Variants in RUNX3 observed in about 807,000 individuals in gnomAD.
RUNX3 encodes the protein RUNX family transcription factor 3.
RUNX3 carries 10 observed loss-of-function variants against 27.7 expected under a neutral mutation model. The observed-to-expected ratio is 0.36, with a 90% CI of 0.22 to 0.61. The LOEUF is 0.61. Ranked by LOEUF, RUNX3 falls within the 20% of genes least tolerant of loss-of-function variation. The pLI is 0.72. For synonymous variants in RUNX3, 270 were observed against 269.2 expected, an observed-to-expected ratio of 1.00 and a Z score of -0.03; for missense variants, 469 against 629.5, an observed-to-expected ratio of 0.75 and a Z score of 2.73.
chr1:24,918,881 C>A (rs1640940363), intron 3 of RUNX3, among the ~76,000 whole-genome samples: 1 of 152,198 alleles, frequency 6.6e-6, no homozygotes, highest in Admixed American at 6.5e-5. Context: ...CCCTCAGCCA[C>A]CCGCAGAGAA....
intron 3 of RUNX3, 49 bp from the exon 4 acceptor site, chr1:24,907,466 T>C: frequency 6.4e-7 from 1 of 1,563,766 alleles, no homozygotes; most frequent in Non-Finnish European, 8.7e-7. Context: ...AGAGTCTCAG[T>C]GGAGACAGAA....
Position 24,959,929 on chromosome 1 carries a change from C to T in RUNX3, c.58+4585G>A, listed in dbSNP as rs78866437. 4.1e-4 allele frequency among the ~76,000 whole-genome samples: 62 copies of T among 152,332 alleles called. No homozygotes were observed. The East Asian group carries it at 8.9e-3, about 22-fold the overall frequency. ...TGGCTCCCGAGCCAGCTCATACTTT[C>T]CTGCTTCCACACCTTTGCCCAGGAC... On this transcript the variant is annotated intron_variant, in intron 2 of 6. Transcript: ENST00000338888.
upstream of RUNX3, among the ~76,000 whole-genome samples, chr1:24,934,442 G>A (rs564275977): frequency 5.9e-5 from 9 of 152,304 alleles, no homozygotes; most frequent in South Asian, 1.7e-3. Flanking sequence ...GGGTGGTGAG[G>A]GTGTTAGGAC....
chr1:24,905,358 G>C (rs1640644730), intron 4 of RUNX3, among the ~76,000 whole-genome samples: 1 of 152,220 alleles, frequency 6.6e-6, no homozygotes, highest in African/African-American at 2.4e-5. Flanking sequence ...TCCTAGCCTG[G>C]TCCAGCTGAC....
chr1:24,951,204 C>CAAAA (rs542137531), intron 2 of RUNX3, among the ~76,000 whole-genome samples: 6,622 of 96,084 alleles, frequency 0.069, 390 homozygotes, highest in Non-Finnish European at 0.091. Flanking sequence ...GACTCCATCT[C>CAAAA]AAAAAAAAAA....
chr1:24,960,787 A>AT (rs988323413), intron 2 of RUNX3, among the ~76,000 whole-genome samples: 1 of 152,118 alleles, frequency 6.6e-6, no homozygotes, highest in African/African-American at 2.4e-5. Flanking sequence ...TTGGCCCATA[A>AT]TTGTCAGACG....
chr1:24,929,779 G>T lies in RUNX3; in HGVS notation c.90C>A (p.Gly30=). 1 of 1,439,816 alleles carries T rather than the reference G, an allele frequency of 6.9e-7. No homozygotes were observed. Among genetic ancestry groups the T allele is most frequent in the Non-Finnish European group, 9.0e-7 (1 of 1,105,332 alleles). The allele number at this position is 1,439,816 out of a possible 1,614,324, so 89.2% of individuals were successfully genotyped here. A position where few individuals can be genotyped will look rare whatever the true frequency, so the allele number is the denominator to read the frequency against. Residue 30 remains glycine, a synonymous_variant, in exon 1 of 5, where the codon GGC becomes GGA. Coordinates refer to ENST00000308873, the MANE Select transcript of RUNX3 (RefSeq NM_004350.3). ...FPCGGGGGKM[G]ENSGALSAQA... The stretch of plus-strand genomic sequence containing the variant: ...GCGCGCTCAGCGCGCCGCTGTTCTC[G>T]CCCATCTTGCCGCCGCCGCCGCCGC...
Position 24,929,654 on chromosome 1 carries a change from G to T in RUNX3, c.215C>A (p.Pro72His), listed in dbSNP as rs1435180683. The change falls in exon 1 of 5, where the codon CCC becomes CAC. Residue 72 changes from proline (P) to histidine (H), a missense_variant. Physicochemically the swap from Pro to His is moderately conservative, Grantham distance 77. Coordinates refer to ENST00000308873, the MANE Select transcript of RUNX3 (RefSeq NM_004350.3). ...GGGCAGCACGGAGCAGAGGAAGTTG[G>T]GGCTGTCGGTGCGCACGAGCTCGCC... ...HAGELVRTDSPNFLCSVLPSH... is the reference protein window; with the variant it reads ...HAGELVRTDSHNFLCSVLPSH... 1 of 1,604,250 alleles carries T rather than the reference G, an allele frequency of 6.2e-7. No individual in the cohort carries two copies. The highest frequency in any genetic ancestry group is 8.5e-7 in the Non-Finnish European group (1 of 1,177,808).
intron 3 of RUNX3, among the ~76,000 whole-genome samples, chr1:24,909,677 CCCCTTTAGTT>C (rs1220423635): frequency 6.6e-6 from 1 of 152,252 alleles, no homozygotes; most frequent in African/African-American, 2.4e-5. Flanking sequence ...TCTCAAGCTT[CCCCTTTAGTT>C]CCCTTACATG....
rs914855923 is a variant in RUNX3, at chr1:24,927,160, T to C, written c.439+414A>G. Among the ~76,000 whole-genome samples the C allele has an allele frequency of 6.6e-6, 1 of 152,116 alleles. No individual in the cohort carries two copies. Among genetic ancestry groups the C allele is most frequent in the African/African-American group, 2.4e-5 (1 of 41,420 alleles). On this transcript the variant is annotated intron_variant, in intron 2 of 4. Transcript: ENST00000308873. This position sits in a 1 kb window ranked among gnomAD's most constrained non-coding sequence, Gnocchi z 5.0. ...AGTGTGGGGGATATTCTGCCCCCTA[T>C]GGAGAGAGTGGCTGGGGTGCTTGGG...
rs1640893971 is a variant in RUNX3, at chr1:24,916,623, C to T, written c.544+2617G>A. ...CGAAAGGCCAAGGATTTGTCCAGGG[C>T]CAAAGACAAAGGAGTGGGGCTGCAA... On this transcript the variant is annotated intron_variant, in intron 3 of 4. Transcript: ENST00000308873. This position sits in a 1 kb window ranked among gnomAD's most constrained non-coding sequence, Gnocchi z 4.8. 6.6e-6 allele frequency among the ~76,000 whole-genome samples: 1 copy of T among 152,068 alleles called. No individual in the cohort carries two copies. Among genetic ancestry groups the T allele is most frequent in the Admixed American group, 6.6e-5 (1 of 15,266 alleles).
At position 24,927,446 on chromosome 1, in the gene RUNX3, T is replaced by C. The variant is rs1309646741; in HGVS notation, c.439+128A>G. ...TGTAATATCCTACAGGATTACAAAT[T>C]GCTGTTTTTAGACAGAGCTGCATCT... On this transcript the variant is annotated intron_variant, in intron 2 of 4. Transcript: ENST00000308873. This position sits in a 1 kb window ranked among gnomAD's most constrained non-coding sequence, Gnocchi z 5.0. 2.4e-6 allele frequency: 2 copies of C among 829,478 alleles called. No homozygotes were observed. Among genetic ancestry groups the C allele is most frequent in the Admixed American group, 2.1e-5 (1 of 47,228 alleles). 51.4% of individuals were successfully genotyped at this position (829,478 alleles called of 1,614,324 possible). A position where few individuals can be genotyped will look rare whatever the true frequency, so the allele number is the denominator to read the frequency against.
intron 3 of RUNX3, among the ~76,000 whole-genome samples, chr1:24,912,849 A>G (rs1167720317): frequency 6.6e-6 from 1 of 151,848 alleles, no homozygotes; most frequent in African/African-American, 2.4e-5. Flanking sequence ...TCGATACATC[A>G]ATAGATGTAT....
At chr1:24,908,171 TCCGAAG>T in intron 3 of RUNX3, among the ~76,000 whole-genome samples, 1 of 129,762 alleles carries the variant, frequency 7.7e-6, no homozygotes, top group African/African-American at 3.5e-5. Context: ...CACGCGGTGA[TCCGAAG>T]CTCTACGACA....
At chr1:24,956,832 C>T (rs770412950) in intron 2 of RUNX3, among the ~76,000 whole-genome samples, 3 of 152,232 alleles carry the variant, frequency 2.0e-5, no homozygotes, top group Admixed American at 6.5e-5. Flanking sequence ...CCACTCCATC[C>T]GCCTTTCCCT....
chr1:24,951,700 C>T (rs1458256732), intron 2 of RUNX3, among the ~76,000 whole-genome samples: 16 of 152,232 alleles, frequency 1.1e-4, no homozygotes, highest in Admixed American at 1.0e-3. Flanking sequence ...CCTGAGGAAA[C>T]GTCCATTAAT....
chr1:24,958,339 C>T (rs373468898), intron 2 of RUNX3, among the ~76,000 whole-genome samples: 1 of 152,206 alleles, frequency 6.6e-6, no homozygotes, highest in African/African-American at 2.4e-5. Context: ...GTGTGCAAGG[C>T]GGATGATTGG....
At chr1:24,909,625 C>G (rs1409983374) in intron 3 of RUNX3, among the ~76,000 whole-genome samples, 1 of 152,222 alleles carries the variant, frequency 6.6e-6, no homozygotes, top group Non-Finnish European at 1.5e-5. Flanking sequence ...CCACTGGAGG[C>G]ACAGTTCACT....
chr1:24,902,474 G>T lies in RUNX3; in HGVS notation c.896C>A (p.Ala299Asp). Residue 299 changes from alanine (A) to aspartate (D), a missense_variant, in exon 5 of 5, where the codon GCC becomes GAC. Ala to Asp is a moderately radical substitution (Grantham distance 126). Around this residue, in one of 3 missense-constraint regions of RUNX3, gnomAD observed 279 missense variants for 343.0 expected, o/e 0.81. Transcript: ENST00000308873. The surrounding 1 kb of genome is among the most constrained non-coding windows in gnomAD (Gnocchi z 9.2). ...GTAGGTATGGTGGAAGCGGCTGGTG[G>T]CCGGCATGCCCGCCACGCTGAGGCT... ...ISSLSVAGMP[A>D]TSRFHHTYLP... 6.3e-7 allele frequency: 1 copy of T among 1,599,950 alleles called. No homozygotes were observed. Among genetic ancestry groups the T allele is most frequent in the Non-Finnish European group, 8.6e-7 (1 of 1,169,588 alleles).
Sources: allele counts gnomAD v4.1 joint callset (sites outside exome capture counted in the v4.1 genomes callset), GRCh38; gene constraint gnomAD v4.1.1; regional missense constraint gnomAD v4.1.1; non-coding constraint Gnocchi (gnomAD v3.1); transcripts MANE v1.5; gene names NCBI Gene and HGNC (gene_info 2026-07-23, HGNC 2026-07-21).